FER: variants seen among roughly 807,000 people sequenced by gnomAD.
FER encodes tyrosine-protein kinase Fer.
In FER, 63 loss-of-function variants were observed where a neutral mutation model predicts 111.0. That is an observed-to-expected ratio of 0.57 (90% CI 0.46 to 0.70). FER has a LOEUF of 0.70. Among genes scored for constraint, FER ranks in the 30% least tolerant of loss-of-function variants. The pLI, the probability that FER is intolerant of heterozygous loss-of-function variation, is 0.00. For missense variants in FER, 914 were observed against 954.0 expected (o/e 0.96, Z 0.55); for synonymous variants, 327 against 313.9 (o/e 1.04, Z -0.44).
At chr5:109,093,886 A>C (rs1747139834) in intron 16 of FER, among the ~76,000 whole-genome samples, 1 of 152,196 alleles carries the variant, frequency 6.6e-6, no homozygotes, top group African/African-American at 2.4e-5. Context: ...GTTTCGAGCC[A>C]ACATATTATA....
At chr5:109,157,505 C>T (rs1057500478) in intron 17 of FER, among the ~76,000 whole-genome samples, 2 of 150,684 alleles carry the variant, frequency 1.3e-5, no homozygotes, top group Non-Finnish European at 3.0e-5. Context: ...CGATCACTGG[C>T]GATGAGTTCT....
At chr5:108,876,948 A>T (rs1765150528) in intron 8 of FER, among the ~76,000 whole-genome samples, 1 of 151,912 alleles carries the variant, frequency 6.6e-6, no homozygotes. Context: ...ATATTTGTGA[A>T]TCTTTGTTTT....
chr5:108,925,931 G>A (rs1753676968), intron 10 of FER, among the ~76,000 whole-genome samples: 1 of 151,906 alleles, frequency 6.6e-6, no homozygotes, highest in African/African-American at 2.4e-5. Context: ...TGTCTCTGAA[G>A]CCTGAGGTAA....
At chr5:109,127,436 G>T (rs1054944307) in intron 17 of FER, among the ~76,000 whole-genome samples, 1 of 151,708 alleles carries the variant, frequency 6.6e-6, no homozygotes, top group Admixed American at 6.6e-5. Flanking sequence ...ACAGAGTCTC[G>T]CTCTGTTGCC....
chr5:108,846,366 G>A (rs950838666), intron 5 of FER, among the ~76,000 whole-genome samples: 1 of 151,894 alleles, frequency 6.6e-6, no homozygotes, highest in African/African-American at 2.4e-5. Context: ...CTTGAGCCTA[G>A]GAGTACGAAG....
chr5:109,190,057 A>T lies in FER; in HGVS notation c.*2482A>T, dbSNP rs1028808533. 4.6e-5 allele frequency: 7 copies of T among 152,202 alleles called. No individual in the cohort carries two copies. The highest frequency in any genetic ancestry group is 8.8e-5 in the Non-Finnish European group (6 of 68,028). 9.4% of individuals were successfully genotyped at this position (152,202 alleles called of 1,614,324 possible). A position where few individuals can be genotyped will look rare whatever the true frequency, so the allele number is the denominator to read the frequency against. On this transcript the variant is annotated 3_prime_UTR_variant, in exon 20 of 20. Transcript: ENST00000281092. ...TATTAAATTTAATATAGTCACATGC[A>T]TTAAGAAAAACTTACGCAAACAGTT...
At chr5:109,041,409 T>C (rs147657393) in intron 14 of FER, among the ~76,000 whole-genome samples, 44 of 151,924 alleles carry the variant, frequency 2.9e-4, no homozygotes, top group African/African-American at 1.0e-3. Context: ...ACCGAAAGAT[T>C]GGCAGTTCCT....
At chr5:109,050,447 A>C (rs1481674441) in intron 16 of FER, among the ~76,000 whole-genome samples, 1 of 152,234 alleles carries the variant, frequency 6.6e-6, no homozygotes, top group Non-Finnish European at 1.5e-5. Flanking sequence ...GTACCAATAC[A>C]TGACAAACAA....
chr5:108,993,656 G>GGCGAGT (rs1378904776), intron 13 of FER, among the ~76,000 whole-genome samples: 1,556 of 119,986 alleles, frequency 0.013, 31 homozygotes, highest in African/African-American at 0.042. Context: ...CGAGGGCGAG[G>GGCGAGT]GCGAGGGTGA....
At chr5:109,011,792 T>C (rs1286087221) in intron 13 of FER, among the ~76,000 whole-genome samples, 1 of 152,220 alleles carries the variant, frequency 6.6e-6, no homozygotes, top group Admixed American at 6.5e-5. Context: ...TTTTATTTTT[T>C]CTTTGGGACA....
At chr5:108,927,252 C>CTTTTTTTT (rs766702172) in intron 10 of FER, among the ~76,000 whole-genome samples, 10,554 of 94,522 alleles carry the variant, frequency 0.11, 2,099 homozygotes, top group Non-Finnish European at 0.14. Context: ...AGAAGTGGCT[C>CTTTTTTTT]TTTTTTTTTT....
At chr5:109,140,626 A>T in intron 17 of FER, among the ~76,000 whole-genome samples, 1 of 152,338 alleles carries the variant, frequency 6.6e-6, no homozygotes, top group Middle Eastern at 3.4e-3. Flanking sequence ...TCAGTGTTTT[A>T]TGCTACCCTT....
chr5:108,764,546 C>T (rs557236984), intron 1 of FER, among the ~76,000 whole-genome samples: 8 of 151,966 alleles, frequency 5.3e-5, no homozygotes, highest in East Asian at 3.9e-4. Context: ...TACAGGCATG[C>T]GCCACCATGC....
chr5:109,066,041 A>C (rs2149979987), intron 16 of FER, among the ~76,000 whole-genome samples: 1 of 152,324 alleles, frequency 6.6e-6, no homozygotes, highest in Middle Eastern at 3.4e-3. Flanking sequence ...GACTTTCTAT[A>C]GCGTCTTTAA....
chr5:109,170,208 A>G (rs367642397), intron 17 of FER, among the ~76,000 whole-genome samples: 7 of 152,264 alleles, frequency 4.6e-5, no homozygotes, highest in African/African-American at 1.4e-4. Context: ...AGAAAATAGA[A>G]TAGAAAAAAA....
chr5:108,759,738 C>T (rs973265884), intron 1 of FER, among the ~76,000 whole-genome samples: 2 of 152,194 alleles, frequency 1.3e-5, no homozygotes, highest in Non-Finnish European at 2.9e-5. Flanking sequence ...CACATTCCTG[C>T]AAGCTCTTTT....
At chr5:109,051,630 G>A (rs1772843810) in intron 16 of FER, 2 of 1,589,140 alleles carry the variant, frequency 1.3e-6, no homozygotes, top group African/African-American at 1.3e-5. Context: ...TAGGCGAGAG[G>A]GGAGCAGTTG....
chr5:109,035,608 A>G (rs949477422), intron 13 of FER, among the ~76,000 whole-genome samples: 1 of 152,132 alleles, frequency 6.6e-6, no homozygotes, highest in African/African-American at 2.4e-5. Context: ...TTTTTGATGA[A>G]TCTTTTTGTG....
At chr5:108,995,665 T>C (rs768135463) in intron 13 of FER, among the ~76,000 whole-genome samples, 4 of 152,210 alleles carry the variant, frequency 2.6e-5, no homozygotes, top group Non-Finnish European at 2.9e-5. Flanking sequence ...CAGTCTATCA[T>C]TGATGGGCAT....
Sources: gnomAD v4.1 joint callset for allele counts (sites outside exome capture counted in the v4.1 genomes callset) on GRCh38, gnomAD v4.1.1 for gene constraint, MANE v1.5 for transcripts, NCBI Gene and HGNC (gene_info 2026-07-23, HGNC 2026-07-21) for gene names.